CR1: variants seen among roughly 807,000 people sequenced by gnomAD.
The protein encoded by CR1 is complement receptor type 1.
Under a neutral mutation model 187.3 loss-of-function variants are expected in CR1, and 116 were observed. The ratio of observed to expected loss-of-function variants is 0.62; its 90% CI spans 0.53 to 0.72. The LOEUF is 0.72. Ranked by LOEUF, CR1 falls within the 30% of genes least tolerant of loss-of-function variation. The pLI, the probability that CR1 is intolerant of heterozygous loss-of-function variation, is 0.00. For missense variants in CR1, 1,731 were observed against 2,110.7 expected, an observed-to-expected ratio of 0.82 and a Z score of 3.52; for synonymous variants, 576 against 747.1, an observed-to-expected ratio of 0.77 and a Z score of 3.73.
At chr1:207,601,142 T>G (rs1661593333) in intron 35 of CR1, among the ~76,000 whole-genome samples, 1 of 152,052 alleles carries the variant, frequency 6.6e-6, no homozygotes, top group Non-Finnish European at 1.5e-5. Context: ...GCAGATTCTT[T>G]AAAGTGACCA....
chr1:207,603,051 T>G (rs1661649655), intron 35 of CR1, among the ~76,000 whole-genome samples: 1 of 152,162 alleles, frequency 6.6e-6, no homozygotes, highest in Non-Finnish European at 1.5e-5. Flanking sequence ...GTGATGTTAA[T>G]TATCCCTGAA....
intron 35 of CR1, among the ~76,000 whole-genome samples, chr1:207,596,030 G>A (rs1661427763): frequency 6.8e-6 from 1 of 147,448 alleles, no homozygotes; most frequent in Non-Finnish European, 1.5e-5. Context: ...CTTCACACCA[G>A]TATAAAATCT....
chr1:207,516,448 G>A (rs543760645), intron 4 of CR1, among the ~76,000 whole-genome samples: 2 of 152,072 alleles, frequency 1.3e-5, no homozygotes, highest in Non-Finnish European at 2.9e-5. Context: ...CTAACTATGT[G>A]CATCTTCAAG....
intron 35 of CR1, among the ~76,000 whole-genome samples, chr1:207,592,346 C>T (rs1180725983): frequency 3.3e-5 from 5 of 152,200 alleles, no homozygotes; most frequent in African/African-American, 1.2e-4. Context: ...ATAAAAACCA[C>T]ATGATTATCT....
At chr1:207,565,600 A>G (rs1489648052) in intron 23 of CR1, among the ~76,000 whole-genome samples, 1 of 150,192 alleles carries the variant, frequency 6.7e-6, no homozygotes, top group East Asian at 1.9e-4. Context: ...CGCCTATGTC[A>G]TGACCACCTT....
intron 31 of CR1, among the ~76,000 whole-genome samples, chr1:207,581,360 A>G (rs1660946354): frequency 7.5e-6 from 1 of 133,262 alleles, no homozygotes. Flanking sequence ...ATACATGTCC[A>G]TATGTATACG....
intron 37 of CR1, among the ~76,000 whole-genome samples, chr1:207,611,318 A>G (rs973047355): frequency 6.6e-6 from 1 of 152,212 alleles, no homozygotes; most frequent in Non-Finnish European, 1.5e-5. Flanking sequence ...TGCCTTACGC[A>G]TGAGCTTGAG....
Position 207,639,616 on chromosome 1 carries a change from C to A in CR1, c.*207C>A. On this transcript the variant is annotated 3_prime_UTR_variant, in exon 47 of 47. Transcript: ENST00000367049. ...GTGTGCGTCACTGTGAAACCCCCAC[C>A]CTTCTGCCTCGTGCTAAACGCACAC... 1.9e-6 allele frequency: 1 copy of A among 540,458 alleles called. No individual in the cohort carries two copies. Among genetic ancestry groups the A allele is most frequent in the Non-Finnish European group, 3.3e-6 (1 of 302,984 alleles). The allele number at this position is 540,458 out of a possible 1,614,324, so 33.5% of individuals were successfully genotyped here.
chr1:207,501,428 T>A (rs1357471853), intron 1 of CR1, among the ~76,000 whole-genome samples: 2 of 152,230 alleles, frequency 1.3e-5, no homozygotes, highest in African/African-American at 4.8e-5. Context: ...ATAAAAACTT[T>A]TAAAATTATG....
chr1:207,611,937 A>C lies in CR1; in HGVS notation c.6473-2A>C, dbSNP rs771424356. 6.2e-6 allele frequency: 10 copies of C among 1,613,764 alleles called. No homozygotes were observed. The highest frequency in any genetic ancestry group is 1.7e-5 in the Admixed American group (1 of 59,980). On this transcript the variant is annotated splice_acceptor_variant, in intron 38 of 46. Coordinates refer to ENST00000367049, the MANE Select transcript of CR1 (RefSeq NM_000651.6). LOFTEE classifies it high-confidence loss of function. ...CTCCTGTTGTTTTATTTTTTCTTCT[A>C]GTGAAATCCTGTGATGACTTCCTGG...
In CR1 at chr1:207,617,606, TATATATAGAGAGAGAG is replaced by T. The variant is rs1250748931; in HGVS notation, c.6890-463_6890-448del. On this transcript the variant is annotated intron_variant, in intron 41 of 46. Coordinates refer to ENST00000367049, the MANE Select transcript of CR1 (RefSeq NM_000651.6). ...ATATATATATATATATATATATATA[TATATATAGAGAGAGAG>T]AGAGAGAGAGAGAGAGAGAGAGAGA... 9.4e-3 allele frequency among the ~76,000 whole-genome samples: 169 copies of T among 18,072 alleles called. 1 individual carries two copies. Among genetic ancestry groups the T allele is most frequent in the Admixed American group, 0.04 (48 of 1,198 alleles). 11.9% of individuals were successfully genotyped at this position (18,072 alleles called of 152,430 possible).
In CR1 at chr1:207,607,303, G is replaced by A. The variant is rs1231788014; in HGVS notation, c.5863G>A (p.Val1955Ile). The A allele has an allele frequency of 1.2e-6, 2 of 1,613,536 alleles. No homozygotes were observed. Among genetic ancestry groups the A allele is most frequent in the Non-Finnish European group, 1.7e-6 (2 of 1,179,514 alleles). Reference protein sequence around the residue: ...STTCLVSGNNVTWDKKAPICE... With the variant: ...STTCLVSGNNITWDKKAPICE... ...TACTTGTCTCGTCTCAGGCAATAATGTCACATGGGATAAGAAGGCACCTAT... is the reference window on the plus strand; with the variant it reads ...TACTTGTCTCGTCTCAGGCAATAATATCACATGGGATAAGAAGGCACCTAT... The change falls in exon 36 of 47, where the codon GTC becomes ATC. Residue 1955 changes from valine (V) to isoleucine (I), a missense_variant. By Grantham distance (29) the Val-to-Ile change is conservative. Coordinates refer to ENST00000367049, the MANE Select transcript of CR1 (RefSeq NM_000651.6).
chr1:207,614,516 G>C (rs1210334206), intron 40 of CR1, 27 bp downstream of exon 40: 19 of 1,587,572 alleles, frequency 1.2e-5, no homozygotes, highest in Non-Finnish European at 1.6e-5. Context: ...ATGTAGTTTG[G>C]ATAGCTCTCC....
chr1:207,625,916 T>G (rs1481330051), intron 45 of CR1, among the ~76,000 whole-genome samples: 7 of 152,236 alleles, frequency 4.6e-5, no homozygotes, highest in Non-Finnish European at 1.5e-5. Flanking sequence ...CACAAATCTC[T>G]GAGCAGTAAT....
At chr1:207,593,662 G>A (rs1661344314) in intron 35 of CR1, among the ~76,000 whole-genome samples, 1 of 152,202 alleles carries the variant, frequency 6.6e-6, no homozygotes, top group South Asian at 2.1e-4. Flanking sequence ...TATCATCAGA[G>A]TGAACAGACA....
At chr1:207,598,770 T>A (rs771468785) in intron 35 of CR1, 2 of 152,196 alleles carry the variant, frequency 1.3e-5, no homozygotes, top group Admixed American at 6.5e-5. Context: ...TTGAAATACA[T>A]AAAACAAATA....
At chr1:207,586,265 G>A (rs148299884) in intron 33 of CR1, among the ~76,000 whole-genome samples, 94 of 152,196 alleles carry the variant, frequency 6.2e-4, no homozygotes, top group Non-Finnish European at 1.2e-3. Flanking sequence ...AGCCTGCCAA[G>A]TAGGTGGGAC....
chr1:207,637,319 G>A (rs1480227129), intron 46 of CR1, among the ~76,000 whole-genome samples: 2 of 152,100 alleles, frequency 1.3e-5, no homozygotes, highest in African/African-American at 4.8e-5. Flanking sequence ...AATTGACCTC[G>A]AGGTGCCCAA....
chr1:207,504,516 A>G (rs1659369815), intron 1 of CR1, among the ~76,000 whole-genome samples: 1 of 152,034 alleles, frequency 6.6e-6, no homozygotes, highest in African/African-American at 2.4e-5. Context: ...ATCTAGTAAG[A>G]CAAGTACTCC....
Sources: allele counts gnomAD v4.1 joint callset (sites outside exome capture counted in the v4.1 genomes callset), GRCh38; gene constraint gnomAD v4.1.1; transcripts MANE v1.5; gene names NCBI Gene and HGNC (gene_info 2026-07-23, HGNC 2026-07-21).